Variants in LYRM4 observed in about 807,000 individuals in gnomAD.
LYRM4 encodes LYR motif-containing protein 4.
In LYRM4, 9 loss-of-function variants were observed where a neutral mutation model predicts 11.7. That is an observed-to-expected ratio of 0.77 (90% CI 0.46 to 1.34). LYRM4 has a LOEUF of 1.34. Ranked by LOEUF, LYRM4 falls within the 40% of genes most tolerant of loss-of-function variation. LYRM4 has a pLI of 0.00. For synonymous variants in LYRM4, 42 were observed against 40.4 expected (o/e 1.04, Z -0.15); for missense variants, 133 against 112.5 (o/e 1.18, Z -0.82).
At chr6:5,257,705 G>A (rs1764746534) in intron 1 of LYRM4, among the ~76,000 whole-genome samples, 1 of 152,168 alleles carries the variant, frequency 6.6e-6, no homozygotes. Context: ...TAGGTTGCAT[G>A]CTCCTTATGA....
chr6:5,123,628 C>T (rs969582319), intron 2 of LYRM4, among the ~76,000 whole-genome samples: 6 of 152,258 alleles, frequency 3.9e-5, no homozygotes, highest in Admixed American at 1.3e-4. Flanking sequence ...GCCCTCCTCC[C>T]TTTTCCCTCT....
chr6:5,037,588 G>A, the LYRM4 span, among the ~76,000 whole-genome samples: 3 of 82,268 alleles, frequency 3.6e-5, 1 homozygote, highest in Non-Finnish European at 8.7e-5. Flanking sequence ...AGGGGCGGCC[G>A]GGCAGAGGCG....
the LYRM4 span, among the ~76,000 whole-genome samples, chr6:5,097,842 C>A: frequency 6.6e-6 from 1 of 152,234 alleles, no homozygotes; most frequent in African/African-American, 2.4e-5. Context: ...ACATCATACA[C>A]ATGCTGTACA....
rs1761498620 is a variant in LYRM4, at chr6:5,203,310, C to G, written c.207+13308G>C. On this transcript the variant is annotated intron_variant, in intron 2 of 2. Coordinates refer to ENST00000330636, the MANE Select transcript of LYRM4 (RefSeq NM_020408.6). ...CACATGGGTATGGAGGAAAAGACAA[C>G]TGTGAAATCAGGCCTTTCTGTCTGT... is the stretch of plus-strand genomic sequence containing the variant. Among the ~76,000 whole-genome samples, 4 of 152,182 alleles carry G rather than the reference C, an allele frequency of 2.6e-5. 1 individual carries two copies. In the South Asian group the frequency reaches 8.3e-4, roughly 32 times the overall value.
chr6:5,104,232 T>TA (rs376385634), downstream of LYRM4: 1 of 152,310 alleles, frequency 6.6e-6, no homozygotes, highest in East Asian at 1.9e-4. Flanking sequence ...TCTACAGAGT[T>TA]ACGGGTAAAA....
Position 5,197,123 on chromosome 6 carries a change from T to C in LYRM4, c.207+19495A>G, listed in dbSNP as rs35100403. Among the ~76,000 whole-genome samples the C allele has an allele frequency of 9.8e-3, 1,494 of 152,224 alleles. 26 individuals are homozygous for C. Among genetic ancestry groups the C allele is most frequent in the African/African-American group, 0.033 (1,355 of 41,524 alleles). Reference sequence around the variant, plus strand: ...GGGTGCTTCCACATTCAAGTGAGATTACTGAAACAGATGAGCATCTAGTCA... The same window carrying C: ...GGGTGCTTCCACATTCAAGTGAGATCACTGAAACAGATGAGCATCTAGTCA... On this transcript the variant is annotated intron_variant, in intron 2 of 2. Coordinates refer to ENST00000330636, the MANE Select transcript of LYRM4 (RefSeq NM_020408.6).
chr6:5,188,673 A>G (rs1383664248), intron 2 of LYRM4, among the ~76,000 whole-genome samples: 1 of 152,220 alleles, frequency 6.6e-6, no homozygotes, highest in East Asian at 1.9e-4. Flanking sequence ...CTCATCTTAT[A>G]GTACTATTGG....
chr6:5,184,005 T>C (rs1760231747), intron 2 of LYRM4, among the ~76,000 whole-genome samples: 1 of 152,222 alleles, frequency 6.6e-6, no homozygotes, highest in Non-Finnish European at 1.5e-5. Context: ...TAACAAAACA[T>C]CATGTTGCAC....
At chr6:5,066,728 C>CACCTGCATGACCCTGAGAGTGAT in the LYRM4 span, 1 of 793,186 alleles carries the variant, frequency 1.3e-6, no homozygotes, top group South Asian at 1.5e-5. Flanking sequence ...ATACGATTTG[C>CACCTGCATGACCCTGAGAGTGAT]GCCAGGGTCT....
the LYRM4 span, among the ~76,000 whole-genome samples, chr6:5,060,109 T>C: frequency 1.3e-5 from 2 of 152,270 alleles, no homozygotes; most frequent in African/African-American, 4.8e-5. Context: ...ACATTGTTTC[T>C]GGTCTTTTCC....
At chr6:5,220,200 G>A (rs1293423619) in intron 1 of LYRM4, among the ~76,000 whole-genome samples, 1 of 152,154 alleles carries the variant, frequency 6.6e-6, no homozygotes, top group East Asian at 1.9e-4. Flanking sequence ...TGCACAGCAG[G>A]CAGTAACGAA....
At chr6:5,221,847 A>G (rs556722472) in intron 1 of LYRM4, among the ~76,000 whole-genome samples, 1 of 152,294 alleles carries the variant, frequency 6.6e-6, no homozygotes, top group Admixed American at 6.5e-5. Context: ...CCTATATGCA[A>G]CCAATCACAA....
downstream of LYRM4, among the ~76,000 whole-genome samples, chr6:5,098,640 A>T (rs1483760028): frequency 6.6e-6 from 1 of 152,186 alleles, no homozygotes; most frequent in African/African-American, 2.4e-5. Context: ...GCTGGAAACA[A>T]TGCATGCTGC....
At chr6:5,245,103 AAAAAAAAAAAAT>A (rs1764088868) in intron 1 of LYRM4, among the ~76,000 whole-genome samples, 1 of 58,378 alleles carries the variant, frequency 1.7e-5, no homozygotes, top group Admixed American at 2.1e-4. Flanking sequence ...AAAAAAAAAA[AAAAAAAAAAAAT>A]ATATATATAT....
chr6:5,100,279 A>G (rs917163931), downstream of LYRM4, among the ~76,000 whole-genome samples: 1 of 152,212 alleles, frequency 6.6e-6, no homozygotes, highest in Non-Finnish European at 1.5e-5. Flanking sequence ...TCTAAGGGCC[A>G]TGGGGCCTCT....
At chr6:5,249,009 C>T (rs1764318024) in intron 1 of LYRM4, among the ~76,000 whole-genome samples, 1 of 152,188 alleles carries the variant, frequency 6.6e-6, no homozygotes, top group Non-Finnish European at 1.5e-5. Context: ...GTATATGGTT[C>T]AACAAATTTA....
At chr6:5,169,819 T>C (rs1431785484) in intron 2 of LYRM4, among the ~76,000 whole-genome samples, 1 of 152,156 alleles carries the variant, frequency 6.6e-6, no homozygotes, top group Non-Finnish European at 1.5e-5. Context: ...GAGCCTTCTA[T>C]TGGGATTGGA....
At chr6:5,090,882 G>A in the LYRM4 span, among the ~76,000 whole-genome samples, 1 of 152,192 alleles carries the variant, frequency 6.6e-6, no homozygotes, top group Non-Finnish European at 1.5e-5. This position sits in a 1 kb window ranked among gnomAD's most constrained non-coding sequence, Gnocchi z 4.8. Context: ...TCAGTTCTGT[G>A]TTTCTTTGGA....
the LYRM4 span, chr6:5,086,576 C>T: frequency 6.7e-7 from 1 of 1,491,444 alleles, no homozygotes; most frequent in Non-Finnish European, 8.9e-7. Context: ...TGGAGAGTTT[C>T]GAAGAGCCGT....
Sources: allele counts gnomAD v4.1 joint callset (sites outside exome capture counted in the v4.1 genomes callset), GRCh38; gene constraint gnomAD v4.1.1; non-coding constraint Gnocchi (gnomAD v3.1); transcripts MANE v1.5; gene names NCBI Gene and HGNC (gene_info 2026-07-23, HGNC 2026-07-21).